The following SAXO4 variants were observed in gnomAD, a reference collection of about 807,000 sequenced individuals.
The protein encoded by SAXO4 is stabilizer of axonemal microtubules 4.
the SAXO4 span, chr11:61,486,370 C>T: frequency 1.2e-6 from 2 of 1,614,014 alleles, no homozygotes; most frequent in Non-Finnish European, 1.7e-6. Flanking sequence ...AGAGTGTCAC[C>T]AAGTCAGACT....
the SAXO4 span, chr11:61,487,346 A>G: frequency 1.0e-6 from 1 of 979,528 alleles, no homozygotes; most frequent in Non-Finnish European, 1.6e-6. Flanking sequence ...ATGCTGAGTG[A>G]ATATGGGTTC....
the SAXO4 span, among the ~76,000 whole-genome samples, chr11:61,487,796 G>A: frequency 2.6e-5 from 4 of 152,150 alleles, no homozygotes; most frequent in Non-Finnish European, 5.9e-5. Context: ...CCAATGGTTG[G>A]TGGGCTCGAT....
the SAXO4 span, chr11:61,486,847 A>G: frequency 2.9e-6 from 3 of 1,028,498 alleles, no homozygotes; most frequent in East Asian, 7.1e-5. Flanking sequence ...GGGGCTGTGG[A>G]CAGGTCACAG....
chr11:61,488,345 T>C, the SAXO4 span, among the ~76,000 whole-genome samples: 12,957 of 140,820 alleles, frequency 0.092, 800 homozygotes, highest in African/African-American at 0.18. Flanking sequence ...CTCTCTGTCG[T>C]CCAGGCTGGA....
chr11:61,490,472 C>T, the SAXO4 span: 2 of 1,602,970 alleles, frequency 1.2e-6, no homozygotes, highest in Non-Finnish European at 1.7e-6. Context: ...TGCCAACACC[C>T]CCAACACTCT....
At chr11:61,490,576 G>A in the SAXO4 span, 3 of 1,613,278 alleles carry the variant, frequency 1.9e-6, no homozygotes, top group Non-Finnish European at 2.5e-6. Context: ...GCTGAGCCCT[G>A]AGCCCTTGGT....
At chr11:61,489,771 C>T in the SAXO4 span, 1 of 1,614,010 alleles carries the variant, frequency 6.2e-7, no homozygotes, top group Non-Finnish European at 8.5e-7. Context: ...AGGACCCCTC[C>T]TCTCCTCCAG....
chr11:61,490,725 G>T, the SAXO4 span: 4 of 715,858 alleles, frequency 5.6e-6, no homozygotes, highest in Non-Finnish European at 2.4e-6. Flanking sequence ...AGATCAGGGG[G>T]CCTCTCAGAA....
At chr11:61,485,476 G>A in the SAXO4 span, 12 of 1,377,636 alleles carry the variant, frequency 8.7e-6, no homozygotes, top group Non-Finnish European at 1.2e-5. Flanking sequence ...CAGGGGCCCT[G>A]GAGCTGGCCT....
At chr11:61,487,365 C>T in the SAXO4 span, 2 of 827,450 alleles carry the variant, frequency 2.4e-6, no homozygotes, top group African/African-American at 1.7e-5. Context: ...TCCCCAGAAG[C>T]ATACCCTAAG....
chr11:61,486,582 G>C, the SAXO4 span: 1 of 1,614,160 alleles, frequency 6.2e-7, no homozygotes, highest in Non-Finnish European at 8.5e-7. Context: ...GCCTTCAGCC[G>C]AGGGAATGAA....
chr11:61,484,355 C>T, the SAXO4 span, among the ~76,000 whole-genome samples: 1 of 152,306 alleles, frequency 6.6e-6, no homozygotes, highest in South Asian at 2.1e-4. Flanking sequence ...GGGAGGCCAG[C>T]TCCTCCAGTT....
At chr11:61,489,356 C>G in the SAXO4 span, 1 of 349,508 alleles carries the variant, frequency 2.9e-6, no homozygotes, top group African/African-American at 2.1e-5. Context: ...CTGCATTGAT[C>G]TGTCTGCACC....
chr11:61,486,725 T>A, the SAXO4 span: 1 of 1,076,416 alleles, frequency 9.3e-7, no homozygotes, highest in Non-Finnish European at 1.4e-6. Context: ...TTTAGGGATG[T>A]GGAGGTAGGC....
chr11:61,485,661 T>C, the SAXO4 span: 1 of 713,236 alleles, frequency 1.4e-6, no homozygotes, highest in Non-Finnish European at 2.4e-6. Flanking sequence ...ATCCTCACCC[T>C]GCCACCCACG....
the SAXO4 span, chr11:61,482,630 G>A: frequency 1.2e-6 from 2 of 1,613,580 alleles, no homozygotes; most frequent in Non-Finnish European, 1.7e-6. Flanking sequence ...GGCGGCCTGG[G>A]GTTCTAGCTC....
the SAXO4 span, among the ~76,000 whole-genome samples, chr11:61,485,618 C>T: frequency 6.6e-6 from 1 of 152,022 alleles, no homozygotes; most frequent in Non-Finnish European, 1.5e-5. Flanking sequence ...CTTCCTGCTG[C>T]TCCCTCTCCT....
the SAXO4 span, chr11:61,484,571 A>C: frequency 1.5e-6 from 2 of 1,347,222 alleles, no homozygotes; most frequent in East Asian, 2.5e-5. Context: ...GTTTCATTGT[A>C]AAAGGACCCC....
the SAXO4 span, chr11:61,490,079 C>A: frequency 1.1e-6 from 1 of 884,376 alleles, no homozygotes. Context: ...CTGGCTGGCT[C>A]TGGTGTCCCT....
Sources: allele counts gnomAD v4.1 joint callset (sites outside exome capture counted in the v4.1 genomes callset), GRCh38; gene constraint gnomAD v4.1.1; transcripts MANE v1.5; gene names NCBI Gene and HGNC (gene_info 2026-07-23, HGNC 2026-07-21).